AK8: variants seen among roughly 807,000 people sequenced by gnomAD.
AK8 encodes ATP-AMP transphosphorylase 8.
In AK8, 44 loss-of-function variants were observed where a neutral mutation model predicts 54.6. The observed-to-expected ratio is 0.81, with a 90% CI of 0.63 to 1.04. The LOEUF is 1.04. Ranked by LOEUF, AK8 falls within the 50% of genes least tolerant of loss-of-function variation. The probability of loss-of-function intolerance (pLI) is 0.00; values close to 1 mark genes in which losing one functional copy is unlikely to be tolerated. For missense variants in AK8, 555 were observed against 613.6 expected, an observed-to-expected ratio of 0.90 and a Z score of 1.01; for synonymous variants, 239 against 245.6, an observed-to-expected ratio of 0.97 and a Z score of 0.25.
chr9:132,814,569 G>C, intron 10 of AK8, 69 bp downstream of exon 10: 1 of 1,463,930 alleles, frequency 6.8e-7, no homozygotes, highest in South Asian at 1.2e-5. Context: ...AATGTTCAGA[G>C]AGCCGCACAA....
At chr9:132,854,399 GC>G (rs1388388735) in intron 5 of AK8, among the ~76,000 whole-genome samples, 1 of 152,042 alleles carries the variant, frequency 6.6e-6, no homozygotes, top group Non-Finnish European at 1.5e-5. Context: ...CCCTCCTTGT[GC>G]CCCAGGAGGC....
intron 5 of AK8, among the ~76,000 whole-genome samples, chr9:132,829,102 A>G (rs4962080): frequency 0.015 from 2,331 of 152,048 alleles, 139 homozygotes; most frequent in Admixed American, 0.12. Context: ...GATTATAAGC[A>G]TGTGCCACCA....
At chr9:132,772,891 G>T (rs1480802357) in intron 11 of AK8, among the ~76,000 whole-genome samples, 1 of 152,068 alleles carries the variant, frequency 6.6e-6, no homozygotes, top group African/African-American at 2.4e-5. Context: ...CCTGGTCCAG[G>T]CCTCTGGCAC....
chr9:132,793,008 C>T (rs1317409895), intron 10 of AK8, among the ~76,000 whole-genome samples: 1 of 152,208 alleles, frequency 6.6e-6, no homozygotes, highest in Non-Finnish European at 1.5e-5. Context: ...TCGGTCTTTC[C>T]CTTTCCTGGA....
chr9:132,726,216 CTCCT>C (rs1329493728), intron 12 of AK8, among the ~76,000 whole-genome samples: 1 of 151,222 alleles, frequency 6.6e-6, no homozygotes, highest in Non-Finnish European at 1.5e-5. Flanking sequence ...CCCTCCTTCC[CTCCT>C]TCCTTCCTTC....
chr9:132,725,771 G>A lies in AK8; in HGVS notation c.1357C>T (p.Leu453Phe). ...GTGTATGGGTCCTGGTCCCCATTGA[G>A]GGTGATGGCCGACCCATACAACTGC... The part of the protein sequence containing the change: ...LEQLYGSAIT[L>F]NGDQDPYTVF... Residue 453 changes from leucine to phenylalanine, a missense_variant, in exon 13 of 13, where the codon CTC (leucine) becomes TTC (phenylalanine). Leu to Phe is a conservative substitution (Grantham distance 22). Transcript: ENST00000298545. 1.2e-6 allele frequency: 2 copies of A among 1,600,598 alleles called. No individual in the cohort carries two copies. Among genetic ancestry groups the A allele is most frequent in the Non-Finnish European group, 1.7e-6 (2 of 1,173,838 alleles).
At chr9:132,751,343 C>A (rs1411269793) in intron 11 of AK8, among the ~76,000 whole-genome samples, 2 of 146,314 alleles carry the variant, frequency 1.4e-5, no homozygotes, top group Non-Finnish European at 1.5e-5. Flanking sequence ...GAGATCATGT[C>A]ACTGCCCTCC....
chr9:132,744,479 G>A (rs143782006), intron 11 of AK8, among the ~76,000 whole-genome samples: 169 of 151,438 alleles, frequency 1.1e-3, no homozygotes, highest in African/African-American at 4.0e-3. Flanking sequence ...GGTCATCCTC[G>A]GTCAGATCAC....
At chr9:132,760,902 T>G (rs1252881588) in intron 11 of AK8, among the ~76,000 whole-genome samples, 1 of 152,202 alleles carries the variant, frequency 6.6e-6, no homozygotes, top group Non-Finnish European at 1.5e-5. Context: ...GAATCATCCT[T>G]GAATACCCTA....
At chr9:132,855,907 G>C (rs1340781997) in intron 4 of AK8, among the ~76,000 whole-genome samples, 1 of 152,168 alleles carries the variant, frequency 6.6e-6, no homozygotes, top group Non-Finnish European at 1.5e-5. Flanking sequence ...CTCAGATCCA[G>C]AGGAGGGCCC....
intron 5 of AK8, among the ~76,000 whole-genome samples, chr9:132,848,177 G>GCTT (rs929887365): frequency 3.4e-5 from 5 of 145,200 alleles, no homozygotes; most frequent in African/African-American, 1.2e-4. Flanking sequence ...TCCCTTGAAT[G>GCTT]CTTCCAGCCT....
At chr9:132,742,198 A>G (rs545892905) in intron 11 of AK8, among the ~76,000 whole-genome samples, 1 of 143,966 alleles carries the variant, frequency 6.9e-6, no homozygotes, top group Non-Finnish European at 1.5e-5. Context: ...TGAGAGAGAT[A>G]GAGTCTCATT....
Position 132,875,128 on chromosome 9 carries a change from T to A in AK8, c.156A>T (p.Arg52Ser), listed in dbSNP as rs768232828. ...PIPFMIQHLHRDNDNVPRIVI... is the reference protein window; with the variant it reads ...PIPFMIQHLHSDNDNVPRIVI... ...GCCAGTGCTCACCATTGTCGTTGTC[T>A]CTATGCAAGTGCTGGATCATGAAGG... Residue 52 changes from arginine to serine, a missense_variant, in exon 2 of 13, where the codon AGA becomes AGT. Physicochemically the swap from Arg to Ser is moderately radical, Grantham distance 110. Coordinates refer to ENST00000298545, the MANE Select transcript of AK8 (RefSeq NM_152572.3). 1.1e-5 allele frequency: 18 copies of A among 1,613,988 alleles called. No homozygotes were observed. The highest frequency in any genetic ancestry group is 1.4e-5 in the Non-Finnish European group (17 of 1,179,996).
chr9:132,861,971 T>C (rs1239458038), intron 4 of AK8, among the ~76,000 whole-genome samples: 1 of 152,214 alleles, frequency 6.6e-6, no homozygotes, highest in East Asian at 1.9e-4. Flanking sequence ...AATATGTTGA[T>C]AATTAGCAAA....
intron 11 of AK8, among the ~76,000 whole-genome samples, chr9:132,775,522 C>T (rs1018963867): frequency 8.5e-5 from 13 of 152,252 alleles, no homozygotes; most frequent in East Asian, 5.8e-4. Context: ...AGTCTGGTCT[C>T]GAACCACTGA....
At chr9:132,797,268 T>G (rs1204350229) in intron 10 of AK8, among the ~76,000 whole-genome samples, 1 of 146,578 alleles carries the variant, frequency 6.8e-6, no homozygotes, top group Non-Finnish European at 1.5e-5. Flanking sequence ...GGCACAGTAC[T>G]GGGCCCACGG....
chr9:132,761,416 C>A (rs1838466874), intron 11 of AK8, among the ~76,000 whole-genome samples: 1 of 152,038 alleles, frequency 6.6e-6, no homozygotes, highest in Admixed American at 6.6e-5. Flanking sequence ...GCATGTGCCA[C>A]CATGCTCGGC....
chr9:132,865,824 TAAAAATA>T (rs756864150), intron 3 of AK8, among the ~76,000 whole-genome samples: 7 of 149,338 alleles, frequency 4.7e-5, no homozygotes, highest in East Asian at 2.0e-4. Context: ...AAAATAAAAA[TAAAAATA>T]AAAAATAAAA....
chr9:132,876,949 G>A (rs999295879), intron 1 of AK8, among the ~76,000 whole-genome samples: 2 of 151,850 alleles, frequency 1.3e-5, no homozygotes, highest in African/African-American at 2.4e-5. Context: ...CTGTAGTCTC[G>A]GCTACTCTGG....
Sources: gnomAD v4.1 joint callset for allele counts (sites outside exome capture counted in the v4.1 genomes callset) on GRCh38, gnomAD v4.1.1 for gene constraint, MANE v1.5 for transcripts, NCBI Gene and HGNC (gene_info 2026-07-23, HGNC 2026-07-21) for gene names.